The following JARID2 variants were observed in gnomAD, a reference collection of about 807,000 sequenced individuals.
JARID2 encodes the protein protein Jumonji.
JARID2 carries 21 observed loss-of-function variants against 125.6 expected under a neutral mutation model. The ratio of observed to expected loss-of-function variants is 0.17; its 90% confidence interval spans 0.12 to 0.24. The LOEUF is 0.24. Among genes scored for constraint, JARID2 ranks in the 10% least tolerant of loss-of-function variants. The pLI, the probability that JARID2 is intolerant of heterozygous loss-of-function variation, is 1.00. For synonymous variants in JARID2, 736 were observed against 661.6 expected, an observed-to-expected ratio of 1.11 and a Z score of -1.73; for missense variants, 1,303 against 1,639.6, an observed-to-expected ratio of 0.79 and a Z score of 3.55.
chr6:15,453,726 C>T (rs1768025866), intron 4 of JARID2, among the ~76,000 whole-genome samples: 1 of 152,204 alleles, frequency 6.6e-6, no homozygotes, highest in South Asian at 2.1e-4. Context: ...CAGATCACCG[C>T]CTCATCCGTG....
chr6:15,266,086 T>C (rs1022970194), intron 1 of JARID2, among the ~76,000 whole-genome samples: 2 of 152,158 alleles, frequency 1.3e-5, no homozygotes, highest in African/African-American at 4.8e-5. Flanking sequence ...ACTGATCAGC[T>C]TTCTCTCAAA....
At chr6:15,515,599 G>A (rs1771508362) in intron 16 of JARID2, among the ~76,000 whole-genome samples, 1 of 152,090 alleles carries the variant, frequency 6.6e-6, no homozygotes, top group African/African-American at 2.4e-5. Flanking sequence ...CAGCCTGGGT[G>A]ACAGAGGGAG....
chr6:15,500,859 G>C (rs374213630), intron 7 of JARID2, 48 bp from the exon 8 acceptor site: 3 of 1,514,930 alleles, frequency 2.0e-6, no homozygotes, highest in Non-Finnish European at 2.7e-6. Context: ...CATCTTGTTC[G>C]TGTCTCTTTC....
At chr6:15,515,247 C>T (rs1771491331) in intron 16 of JARID2, among the ~76,000 whole-genome samples, 1 of 151,996 alleles carries the variant, frequency 6.6e-6, no homozygotes, top group South Asian at 2.1e-4. Context: ...TGCTGTTACC[C>T]ATAGGCTGCC....
chr6:15,488,753 G>A (rs766084195), intron 6 of JARID2, among the ~76,000 whole-genome samples: 1 of 152,138 alleles, frequency 6.6e-6, no homozygotes, highest in Non-Finnish European at 1.5e-5. Context: ...TATGCAGTTG[G>A]GGGGGTGGGC....
intron 1 of JARID2, among the ~76,000 whole-genome samples, chr6:15,281,784 A>AT (rs1278668204): frequency 6.6e-6 from 1 of 152,154 alleles, no homozygotes; most frequent in East Asian, 1.9e-4. Context: ...AGTCCTTGGC[A>AT]TTTAGGAGGC....
chr6:15,505,350 T>TTG (rs1308166726), intron 9 of JARID2: 3 of 99,500 alleles, frequency 3.0e-5, no homozygotes, highest in Non-Finnish European at 7.3e-5. Context: ...TTGCTGTGTT[T>TTG]TTTTTTTTTT....
rs1763106494 is a variant in JARID2, at chr6:15,342,641, A to G, written c.46-31476A>G. Among the ~76,000 whole-genome samples the G allele has an allele frequency of 2.0e-5, 3 of 152,132 alleles. No homozygotes were observed. In the South Asian group the frequency reaches 6.2e-4, roughly 31 times the overall value. On this transcript the variant is annotated intron_variant, in intron 1 of 17. Transcript: ENST00000341776. Reference sequence around the variant, plus strand: ...CTTATTCAGAATATACACATTTTTAATGGGGGGTATTCTATTAAGTTCTAT... The same window carrying G: ...CTTATTCAGAATATACACATTTTTAGTGGGGGGTATTCTATTAAGTTCTAT...
intron 6 of JARID2, among the ~76,000 whole-genome samples, chr6:15,493,881 T>C (rs1581640344): frequency 6.6e-6 from 1 of 151,838 alleles, no homozygotes; most frequent in East Asian, 1.9e-4. Flanking sequence ...TTACCCCTGG[T>C]TTTATAAATC....
At chr6:15,469,260 TTCTC>T (rs983643420) in intron 5 of JARID2, among the ~76,000 whole-genome samples, 3 of 139,532 alleles carry the variant, frequency 2.2e-5, no homozygotes, top group African/African-American at 8.2e-5. Flanking sequence ...TAGTGGTCTT[TTCTC>T]TCTGTCTCTC....
At chr6:15,354,061 G>A (rs574768250) in intron 1 of JARID2, among the ~76,000 whole-genome samples, 1 of 152,324 alleles carries the variant, frequency 6.6e-6, no homozygotes, top group South Asian at 2.1e-4. Context: ...TTGTTCACAG[G>A]TGTATCTAAG....
chr6:15,300,899 T>C (rs1161367953), intron 1 of JARID2, among the ~76,000 whole-genome samples: 1 of 151,794 alleles, frequency 6.6e-6, no homozygotes, highest in Admixed American at 6.6e-5. Flanking sequence ...GACGGAAGGG[T>C]GACAGAAAAA....
chr6:15,360,298 C>T (rs1207359523), intron 1 of JARID2, among the ~76,000 whole-genome samples: 2 of 151,990 alleles, frequency 1.3e-5, no homozygotes, highest in African/African-American at 2.4e-5. Context: ...AGTTTTCTTG[C>T]CTCAGCCTCC....
chr6:15,478,484 A>G (rs1769457919), intron 5 of JARID2, among the ~76,000 whole-genome samples: 2 of 151,578 alleles, frequency 1.3e-5, no homozygotes, highest in Non-Finnish European at 1.5e-5. Flanking sequence ...TATAACTTGT[A>G]TAGTCAATTG....
rs1487266500 is a variant in JARID2, at chr6:15,520,386, A to G, written c.*135A>G. 9.9e-6 allele frequency: 7 copies of G among 705,818 alleles called. No individual in the cohort carries two copies. The highest frequency in any genetic ancestry group is 1.3e-5 in the Non-Finnish European group (6 of 460,414). 43.7% of individuals were successfully genotyped at this position (705,818 alleles called of 1,614,324 possible). ...GATTTTCTTCTGGTTTTAGAGAACT[A>G]ATTTTGTTTTAGCATTAAACTGTTG... On this transcript the variant is annotated 3_prime_UTR_variant, in exon 18 of 18. Transcript: ENST00000341776.
intron 1 of JARID2, chr6:15,248,175 C>A: frequency 1.3e-6 from 1 of 762,592 alleles, no homozygotes; most frequent in Non-Finnish European, 1.6e-6. Context: ...GTTAATGCAC[C>A]GGGAGCAGAG....
intron 1 of JARID2, among the ~76,000 whole-genome samples, chr6:15,337,291 A>G (rs753649007): frequency 6.6e-6 from 1 of 152,250 alleles, no homozygotes; most frequent in African/African-American, 2.4e-5. Context: ...TTACTAAGTA[A>G]AATGAGCATT....
rs1195992469 is a variant in JARID2, at chr6:15,521,519, A to G, written c.*1268A>G. 4 of 152,106 alleles carry G rather than the reference A, an allele frequency of 2.6e-5. No individual in the cohort carries two copies. The highest frequency in any genetic ancestry group is 6.5e-5 in the Admixed American group (1 of 15,278). 9.4% of individuals were successfully genotyped at this position (152,106 alleles called of 1,614,324 possible). ...TTACAGGGTTTTTCTTGTAACATTT[A>G]TAAGTGCTGCTTACATCACTGAACA... On this transcript the variant is annotated 3_prime_UTR_variant, in exon 18 of 18. Transcript: ENST00000341776.
intron 3 of JARID2, among the ~76,000 whole-genome samples, chr6:15,443,562 A>G (rs959256114): frequency 6.6e-6 from 1 of 152,210 alleles, no homozygotes; most frequent in Non-Finnish European, 1.5e-5. Context: ...TGGCAGTTAG[A>G]AAGTTGGCGC....
Sources: gnomAD v4.1 joint callset for allele counts (sites outside exome capture counted in the v4.1 genomes callset) on GRCh38, gnomAD v4.1.1 for gene constraint, MANE v1.5 for transcripts, NCBI Gene and HGNC (gene_info 2026-07-23, HGNC 2026-07-21) for gene names.